The following NFIC variants were observed in gnomAD, a reference collection of about 807,000 sequenced individuals.
NFIC encodes the protein nuclear factor I C, also known as nuclear factor 1 C-type.
NFIC carries 12 observed loss-of-function variants against 54.4 expected under a neutral mutation model. That is an observed-to-expected ratio of 0.22 (90% CI 0.14 to 0.36). NFIC has a LOEUF of 0.36. Among genes scored for constraint, NFIC ranks in the 10% least tolerant of loss-of-function variants. The probability of loss-of-function intolerance (pLI) is 1.00; values close to 1 mark genes in which losing one functional copy is unlikely to be tolerated. For missense variants in NFIC, 575 were observed against 718.2 expected, an observed-to-expected ratio of 0.80 and a Z score of 2.28; for synonymous variants, 322 against 319.2, an observed-to-expected ratio of 1.01 and a Z score of -0.09.
chr19:3,414,029 G>A (rs1360700099), intron 2 of NFIC, among the ~76,000 whole-genome samples: 1 of 152,094 alleles, frequency 6.6e-6, no homozygotes, highest in Non-Finnish European at 1.5e-5. Flanking sequence ...TGTTGCCGCT[G>A]TGTCCCTTGG....
At chr19:3,449,930 C>T (rs2082433356) in intron 7 of NFIC, among the ~76,000 whole-genome samples, 1 of 152,026 alleles carries the variant, frequency 6.6e-6, no homozygotes, top group Non-Finnish European at 1.5e-5. Flanking sequence ...TGGTATGCGC[C>T]TGTAGTCCCA....
At chr19:3,398,851 G>T (rs1195886376) in intron 2 of NFIC, among the ~76,000 whole-genome samples, 5 of 152,222 alleles carry the variant, frequency 3.3e-5, no homozygotes, top group Admixed American at 2.0e-4. Context: ...AGGGACCGGC[G>T]TCCCCCGCGG....
chr19:3,442,380 C>CTTTT (rs10622379), intron 6 of NFIC, among the ~76,000 whole-genome samples: 10 of 132,630 alleles, frequency 7.5e-5, no homozygotes, highest in Admixed American at 3.2e-4. Flanking sequence ...CTTCCCATCC[C>CTTTT]TTTTTTTTTT....
intron 1 of NFIC, among the ~76,000 whole-genome samples, chr19:3,367,058 C>A (rs893684803): frequency 1.3e-5 from 2 of 152,106 alleles, no homozygotes; most frequent in Middle Eastern, 6.8e-3. Flanking sequence ...CTGCGGGAAG[C>A]CCCCCGCCTG....
chr19:3,391,856 G>A (rs2081381902), intron 2 of NFIC, among the ~76,000 whole-genome samples: 2 of 152,040 alleles, frequency 1.3e-5, no homozygotes, highest in East Asian at 3.8e-4. Flanking sequence ...ATATAATCAT[G>A]GAACAATAAA....
Position 3,368,763 on chromosome 19 carries a change from A to G in NFIC, c.30+2097A>G, listed in dbSNP as rs897733640. Among the ~76,000 whole-genome samples the G allele has an allele frequency of 2.0e-5, 3 of 151,834 alleles. 1 individual carries two copies. In the Middle Eastern group the frequency reaches 0.01, roughly 516 times the overall value. ...GGTAGCCAGTGGGGTGGGCTGGGGGACTCAGAAGGACCCTGAGTGCCCCAT... is the reference window on the plus strand; with the variant it reads ...GGTAGCCAGTGGGGTGGGCTGGGGGGCTCAGAAGGACCCTGAGTGCCCCAT... On this transcript the variant is annotated intron_variant, in intron 1 of 10. Transcript: ENST00000443272.
chr19:3,388,350 G>GC (rs1476818371), intron 2 of NFIC, among the ~76,000 whole-genome samples: 1 of 152,124 alleles, frequency 6.6e-6, no homozygotes, highest in Non-Finnish European at 1.5e-5. Flanking sequence ...AGGCTCCGAG[G>GC]CCACCGCTCA....
chr19:3,359,838 G>A (rs1214321005), intron 1 of NFIC, among the ~76,000 whole-genome samples: 1 of 150,462 alleles, frequency 6.6e-6, no homozygotes, highest in Non-Finnish European at 1.5e-5. Context: ...CAGTCGCCAC[G>A]GGACCCCTAC....
chr19:3,462,993 G>A lies in NFIC; in HGVS notation c.*224G>A, dbSNP rs369618261. On this transcript the variant is annotated 3_prime_UTR_variant, in exon 11 of 11. Transcript: ENST00000443272. ...GAAGAAGAAATAAAAACCCACCCAAGCAAGAAGACAAAAGGTAAAGACGCA... is the reference window on the plus strand; with the variant it reads ...GAAGAAGAAATAAAAACCCACCCAAACAAGAAGACAAAAGGTAAAGACGCA... 4.3e-6 allele frequency: 6 copies of A among 1,402,388 alleles called. No individual in the cohort carries two copies. The African/African-American group carries it at 8.8e-5, about 21-fold the overall frequency. The allele number at this position is 1,402,388 out of a possible 1,614,324, so 86.9% of individuals were successfully genotyped here.
chr19:3,391,552 T>G (rs2081377388), intron 2 of NFIC, among the ~76,000 whole-genome samples: 1 of 151,974 alleles, frequency 6.6e-6, no homozygotes, highest in African/African-American at 2.4e-5. Context: ...ATCCCAGCAC[T>G]TTGGGAGGCC....
chr19:3,445,776 A>T (rs932363544), intron 6 of NFIC, among the ~76,000 whole-genome samples: 3 of 152,110 alleles, frequency 2.0e-5, no homozygotes, highest in African/African-American at 7.2e-5. Context: ...CGATGCTGGG[A>T]GGATGGAGGA....
At chr19:3,363,259 ATATATATATAT>A (rs1412490071), upstream of NFIC, among the ~76,000 whole-genome samples, 196 of 23,854 alleles carry the variant, frequency 8.2e-3, no homozygotes, top group African/African-American at 0.044. Context: ...ATATATATAT[ATATATATATAT>A]TTTTTTTTTT....
At position 3,437,245 on chromosome 19, in the gene NFIC, G is replaced by C. The variant is rs546403019; in HGVS notation, c.958+2038G>C. Among the ~76,000 whole-genome samples the C allele has an allele frequency of 2.1e-3, 326 of 152,194 alleles. 1 individual carries two copies. In the Middle Eastern group the frequency reaches 0.037, roughly 17 times the overall value. On this transcript the variant is annotated intron_variant, in intron 6 of 10. Coordinates refer to ENST00000443272, the MANE Select transcript of NFIC (RefSeq NM_001245002.2). ...TAGCCGGGCGTGGCGGCGGGTGCCT[G>C]TAGTCCCAGCTACTCAGGAGGCTGA...
At chr19:3,359,767 T>A (rs531157844) in intron 1 of NFIC, 56 of 1,305,386 alleles carry the variant, frequency 4.3e-5, no homozygotes, top group Non-Finnish European at 5.4e-5. Context: ...TTGCAAGATC[T>A]GGGGGGACAG....
At chr19:3,462,096 T>A (rs1308216878) in intron 10 of NFIC, among the ~76,000 whole-genome samples, 6 of 150,614 alleles carry the variant, frequency 4.0e-5, no homozygotes, top group Admixed American at 1.3e-4. Flanking sequence ...AAGATTGAGT[T>A]CCAGACTGGG....
At chr19:3,368,879 G>A (rs2080944760) in intron 1 of NFIC, among the ~76,000 whole-genome samples, 1 of 150,932 alleles carries the variant, frequency 6.6e-6, no homozygotes, top group Admixed American at 6.6e-5. Context: ...CTTTTTGTCT[G>A]TCTTTCTCTC....
chr19:3,437,476 A>T (rs1262808061), intron 6 of NFIC, among the ~76,000 whole-genome samples: 1 of 152,122 alleles, frequency 6.6e-6, no homozygotes, highest in Non-Finnish European at 1.5e-5. Context: ...CAGAGCAGGA[A>T]CATTCCTAAA....
chr19:3,398,835 T>C (rs1176703120), intron 2 of NFIC, among the ~76,000 whole-genome samples: 1 of 152,174 alleles, frequency 6.6e-6, no homozygotes, highest in African/African-American at 2.4e-5. Context: ...AGGGGGAGGC[T>C]CTTAAAGGGA....
At chr19:3,396,516 T>C (rs2081466785) in intron 2 of NFIC, among the ~76,000 whole-genome samples, 1 of 150,702 alleles carries the variant, frequency 6.6e-6, no homozygotes, top group Non-Finnish European at 1.5e-5. Context: ...GAGGCTGTTA[T>C]GGGGCCTCGG....
Sources: gnomAD v4.1 joint callset for allele counts (sites outside exome capture counted in the v4.1 genomes callset) on GRCh38, gnomAD v4.1.1 for gene constraint, MANE v1.5 for transcripts, NCBI Gene and HGNC (gene_info 2026-07-23, HGNC 2026-07-21) for gene names.